LRRIQ1: variants seen among roughly 807,000 people sequenced by gnomAD.
LRRIQ1 encodes leucine rich repeats and IQ motif containing 1.
LRRIQ1 carries 210 observed loss-of-function variants against 211.9 expected under a neutral mutation model. The observed-to-expected ratio is 0.99, with a 90% CI of 0.89 to 1.11. LRRIQ1 has a LOEUF of 1.11. Among genes scored for constraint, LRRIQ1 ranks in the 50% most tolerant of loss-of-function variants. LRRIQ1 has a pLI of 0.00. For synonymous variants in LRRIQ1, 699 were observed against 650.1 expected, an observed-to-expected ratio of 1.08 and a Z score of -1.14; for missense variants, 2,136 against 1,939.5, an observed-to-expected ratio of 1.10 and a Z score of -1.90.
At chr12:85,102,970 A>ATATATATG (rs1555207773) in intron 13 of LRRIQ1, among the ~76,000 whole-genome samples, 9 of 140,952 alleles carry the variant, frequency 6.4e-5, no homozygotes, top group African/African-American at 2.3e-4. Flanking sequence ...ATATATATAT[A>ATATATATG]TATATATATA....
At chr12:85,113,085 C>T (rs796209017) in intron 15 of LRRIQ1, among the ~76,000 whole-genome samples, 10 of 152,154 alleles carry the variant, frequency 6.6e-5, no homozygotes, top group South Asian at 4.2e-4. Flanking sequence ...ATTCTCAATC[C>T]GGAGACATTT....
chr12:85,246,045 T>C (rs1229552343), downstream of LRRIQ1, among the ~76,000 whole-genome samples: 1 of 151,152 alleles, frequency 6.6e-6, no homozygotes. Context: ...TATTAGATTA[T>C]AATCATTTAT....
At chr12:85,158,982 T>C (rs1272896973) in intron 23 of LRRIQ1, among the ~76,000 whole-genome samples, 1 of 151,936 alleles carries the variant, frequency 6.6e-6, no homozygotes, top group African/African-American at 2.4e-5. Flanking sequence ...TTTTTTTCTA[T>C]CTAAAAGTAC....
chr12:85,225,774 A>G (rs1370684043), intron 24 of LRRIQ1, among the ~76,000 whole-genome samples: 6 of 152,186 alleles, frequency 3.9e-5, no homozygotes, highest in South Asian at 4.1e-4. Flanking sequence ...CTGGAAACTG[A>G]TAAGTATCCG....
chr12:85,149,504 G>A (rs1273996298), intron 19 of LRRIQ1, among the ~76,000 whole-genome samples: 1 of 151,670 alleles, frequency 6.6e-6, no homozygotes, highest in Non-Finnish European at 1.5e-5. Context: ...TGTTCCATTG[G>A]TCTATGTGAG....
At position 85,239,977 on chromosome 12, in the gene LRRIQ1, C is replaced by T. The variant is rs560946795; in HGVS notation, c.5017-4812C>T. ...TGGGCAACAGAGCAAGACCCTGACT[C>T]CAAAAAAAGTAAAATATAATCAAAT... On this transcript the variant is annotated intron_variant, in intron 26 of 26. Transcript: ENST00000393217. Among the ~76,000 whole-genome samples the T allele has an allele frequency of 4.0e-5, 6 of 151,726 alleles. No homozygotes were observed. In the South Asian group the frequency reaches 1.3e-3, roughly 32 times the overall value.
intron 24 of LRRIQ1, among the ~76,000 whole-genome samples, chr12:85,166,776 C>A (rs1891173309): frequency 6.6e-6 from 1 of 152,212 alleles, no homozygotes. Context: ...TTTTATTCCA[C>A]TGAGCAAGAT....
At position 85,238,437 on chromosome 12, in the gene LRRIQ1, T is replaced by A. The variant is rs749097192; in HGVS notation, c.5016+5681T>A. 9.2e-5 allele frequency among the ~76,000 whole-genome samples: 14 copies of A among 152,114 alleles called. No homozygotes were observed. In the South Asian group the frequency reaches 1.0e-3, roughly 11 times the overall value. ...AAAATTACACCTATGCACCTCATAA[T>A]CAAATTGCTGAAAACCAACAAGAAA... On this transcript the variant is annotated intron_variant, in intron 26 of 26. Transcript: ENST00000393217.
intron 25 of LRRIQ1, among the ~76,000 whole-genome samples, chr12:85,232,118 A>G (rs1220096667): frequency 6.6e-6 from 1 of 152,136 alleles, no homozygotes; most frequent in Non-Finnish European, 1.5e-5. Flanking sequence ...TAAGTTATAT[A>G]TAAAATTTTA....
In LRRIQ1 at chr12:85,214,564, G is replaced by A. The variant is rs905647011; in HGVS notation, c.4823-14953G>A. 9.9e-5 allele frequency among the ~76,000 whole-genome samples: 15 copies of A among 151,960 alleles called. No individual in the cohort carries two copies. The South Asian group carries it at 2.1e-3, about 21-fold the overall frequency. The stretch of plus-strand genomic sequence containing the variant: ...AGGTAAGGATATAGAAAACAGCAGC[G>A]GGAGAGCCAAGACAGAGGCCCATAC... On this transcript the variant is annotated intron_variant, in intron 24 of 26. Transcript: ENST00000393217.
At chr12:85,216,737 A>G (rs1421353964) in intron 24 of LRRIQ1, among the ~76,000 whole-genome samples, 1 of 151,970 alleles carries the variant, frequency 6.6e-6, no homozygotes, top group Non-Finnish European at 1.5e-5. Context: ...ATGAGTAGAC[A>G]AGGACTGCTT....
intron 24 of LRRIQ1, among the ~76,000 whole-genome samples, chr12:85,225,712 C>A (rs1417497616): frequency 6.6e-6 from 1 of 152,104 alleles, no homozygotes; most frequent in Non-Finnish European, 1.5e-5. Flanking sequence ...GTTCTGCAGG[C>A]AGAAGGTTGC....
intron 8 of LRRIQ1, among the ~76,000 whole-genome samples, chr12:85,061,375 G>A (rs1881779132): frequency 6.6e-6 from 1 of 151,586 alleles, no homozygotes; most frequent in South Asian, 2.1e-4. Context: ...GGACTATATT[G>A]CTATACTATA....
chr12:85,112,327 T>A (rs942151821), intron 15 of LRRIQ1, among the ~76,000 whole-genome samples: 3 of 151,630 alleles, frequency 2.0e-5, no homozygotes, highest in African/African-American at 4.8e-5. Flanking sequence ...ACATAGTTTT[T>A]AAAATCAATA....
chr12:85,102,963 T>A (rs59390511), intron 13 of LRRIQ1, among the ~76,000 whole-genome samples: 22,219 of 116,472 alleles, frequency 0.19, 2,314 homozygotes, highest in East Asian at 0.3. Flanking sequence ...AAAAAAAATA[T>A]ATATATATAT....
chr12:85,060,342 G>A (rs775664649), intron 8 of LRRIQ1, among the ~76,000 whole-genome samples: 10 of 151,636 alleles, frequency 6.6e-5, no homozygotes, highest in Non-Finnish European at 1.5e-4. Flanking sequence ...AATAATTATG[G>A]GTAATGAATA....
chr12:85,245,884 T>G (rs2137281515), downstream of LRRIQ1, among the ~76,000 whole-genome samples: 1 of 150,942 alleles, frequency 6.6e-6, no homozygotes, highest in South Asian at 2.1e-4. Context: ...TATACATATA[T>G]ATATAGAGAG....
At chr12:85,108,342 G>T (rs1202763151) in intron 15 of LRRIQ1, among the ~76,000 whole-genome samples, 1 of 152,040 alleles carries the variant, frequency 6.6e-6, no homozygotes, top group Non-Finnish European at 1.5e-5. Flanking sequence ...GAGACAGGCT[G>T]GTCTCGAACT....
chr12:85,113,268 A>G (rs1887315228), intron 15 of LRRIQ1, among the ~76,000 whole-genome samples: 1 of 152,146 alleles, frequency 6.6e-6, no homozygotes. Context: ...TATTTTTTTA[A>G]AGGACATATA....
Sources: gnomAD v4.1 joint callset for allele counts (sites outside exome capture counted in the v4.1 genomes callset) on GRCh38, gnomAD v4.1.1 for gene constraint, MANE v1.5 for transcripts, NCBI Gene and HGNC (gene_info 2026-07-23, HGNC 2026-07-21) for gene names.